Variants in ST6GAL1 observed in about 807,000 individuals in gnomAD.
ST6GAL1 encodes ST6 beta-galactoside alpha-2,6-sialyltransferase 1.
A neutral mutation model predicts 38.0 loss-of-function variants in ST6GAL1; 20 were observed. The observed-to-expected ratio is 0.53, with a 90% CI of 0.37 to 0.77. The LOEUF is 0.77. Ranked by LOEUF, ST6GAL1 falls within the 30% of genes least tolerant of loss-of-function variation. The pLI is 0.00. For synonymous variants in ST6GAL1, 196 were observed against 188.2 expected (o/e 1.04, Z -0.34); for missense variants, 432 against 496.4 (o/e 0.87, Z 1.23).
intron 2 of ST6GAL1, among the ~76,000 whole-genome samples, chr3:187,025,157 A>G (rs758064732): frequency 2.1e-4 from 32 of 152,222 alleles, no homozygotes; most frequent in Admixed American, 1.9e-3. Flanking sequence ...GTTGCATACA[A>G]TGGAGGTCTT....
Position 187,077,269 on chromosome 3 carries a change from T to C in ST6GAL1, c.*1466T>C, listed in dbSNP as rs1456589649. Reference sequence around the variant, plus strand: ...AGACATGCTCTCCAGATGGTTTTACTAAGTCCCCTCTCCCTGATAGGGAAT... The same window carrying C: ...AGACATGCTCTCCAGATGGTTTTACCAAGTCCCCTCTCCCTGATAGGGAAT... On this transcript the variant is annotated 3_prime_UTR_variant, in exon 8 of 8. Coordinates refer to ENST00000169298, the MANE Select transcript of ST6GAL1 (RefSeq NM_173216.2). 2.7e-5 allele frequency: 8 copies of C among 295,080 alleles called. No individual in the cohort carries two copies. The highest frequency in any genetic ancestry group is 4.9e-5 in the Non-Finnish European group (8 of 162,202). The allele number at this position is 295,080 out of a possible 1,614,324, so 18.3% of individuals were successfully genotyped here. A position where few individuals can be genotyped will look rare whatever the true frequency, so the allele number is the denominator to read the frequency against.
In ST6GAL1 at chr3:187,019,394, G is replaced by A. The variant is rs536714362; in HGVS notation, c.-182-19348G>A. 4.6e-5 allele frequency among the ~76,000 whole-genome samples: 7 copies of A among 152,186 alleles called. No homozygotes were observed. The South Asian group carries it at 8.3e-4, about 18-fold the overall frequency. ...TAGCTGCTAGAGCAAATAAACTCAC[G>A]TCTTAACCATCTTGGCCCAGAAGTG... On this transcript the variant is annotated intron_variant, in intron 2 of 7. Coordinates refer to ENST00000169298, the MANE Select transcript of ST6GAL1 (RefSeq NM_173216.2).
chr3:187,062,210 C>T (rs1345653078), intron 5 of ST6GAL1, among the ~76,000 whole-genome samples: 4 of 152,126 alleles, frequency 2.6e-5, no homozygotes, highest in African/African-American at 4.8e-5. Flanking sequence ...GATCAGAAAT[C>T]GGAATCCGTG....
chr3:187,038,576 T>C (rs1239174489), intron 2 of ST6GAL1, 166 bp from the exon 3 acceptor site: 5 of 152,390 alleles, frequency 3.3e-5, no homozygotes, highest in Non-Finnish European at 7.3e-5. Flanking sequence ...GCACCTTTAA[T>C]AGGCTTTTCT....
chr3:187,076,167 A>C lies in ST6GAL1; in HGVS notation c.*364A>C. ...AGAATGATGCCATTCTCACAAACCA[A>C]TGCTCTATATTGCTTGAAGTCTGCA... is the stretch of plus-strand genomic sequence containing the variant. On this transcript the variant is annotated 3_prime_UTR_variant, in exon 8 of 8. Coordinates refer to ENST00000169298, the MANE Select transcript of ST6GAL1 (RefSeq NM_173216.2). The C allele has an allele frequency of 3.4e-5, 8 of 232,782 alleles. No homozygotes were observed. Among genetic ancestry groups the C allele is most frequent in the East Asian group, 2.0e-4 (2 of 10,216 alleles). The allele number at this position is 232,782 out of a possible 1,614,324, so 14.4% of individuals were successfully genotyped here.
intron 1 of ST6GAL1, among the ~76,000 whole-genome samples, chr3:186,945,076 T>G (rs932793776): frequency 1.3e-5 from 2 of 152,100 alleles, no homozygotes; most frequent in Non-Finnish European, 2.9e-5. Flanking sequence ...CCTAGCACTT[T>G]GGGAGGCAGA....
At position 186,952,566 on chromosome 3, in the gene ST6GAL1, G is replaced by A. The variant is rs146319694; in HGVS notation, c.-324-11219G>A. On this transcript the variant is annotated intron_variant, in intron 1 of 7. Coordinates refer to ENST00000169298, the MANE Select transcript of ST6GAL1 (RefSeq NM_173216.2). The surrounding 1 kb of genome is among the most constrained non-coding windows in gnomAD (Gnocchi z 4.1). Reference sequence around the variant, plus strand: ...CTTACCCAGGCTGGAGTGCAGTGGCGCGATCTCAGCTCACTGCAACCTCCG... The same window carrying A: ...CTTACCCAGGCTGGAGTGCAGTGGCACGATCTCAGCTCACTGCAACCTCCG... 6.2e-3 allele frequency among the ~76,000 whole-genome samples: 943 copies of A among 151,826 alleles called. 14 individuals are homozygous for A. Among genetic ancestry groups the A allele is most frequent in the African/African-American group, 0.022 (896 of 41,380 alleles).
intron 4 of ST6GAL1, among the ~76,000 whole-genome samples, chr3:187,050,034 T>G (rs549766211): frequency 2.0e-5 from 3 of 152,202 alleles, no homozygotes; most frequent in Non-Finnish European, 4.4e-5. Context: ...TAGGGTTGTG[T>G]TGTTTTCATG....
chr3:187,051,191 C>A, intron 4 of ST6GAL1, 58 bp from the exon 5 acceptor site: 2 of 1,479,360 alleles, frequency 1.4e-6, no homozygotes, highest in Non-Finnish European at 9.4e-7. Context: ...TCGTCTTTCT[C>A]TTTTTCTGCA....
In ST6GAL1 at chr3:186,952,159, G is replaced by A. The variant is rs934257513; in HGVS notation, c.-324-11626G>A. ...ACGGCAGGAGGTGAAAAGGGAGGGG[G>A]TGTGCCAATTTTTATGCTCCTGGAG... On this transcript the variant is annotated intron_variant, in intron 1 of 7. Transcript: ENST00000169298. The surrounding 1 kb of genome is among the most constrained non-coding windows in gnomAD (Gnocchi z 4.1). Among the ~76,000 whole-genome samples, 1 of 152,168 alleles carries A rather than the reference G, an allele frequency of 6.6e-6. No individual in the cohort carries two copies. The highest frequency in any genetic ancestry group is 1.5e-5 in the Non-Finnish European group (1 of 68,026).
At chr3:186,935,343 CT>C (rs1193086861) in intron 1 of ST6GAL1, among the ~76,000 whole-genome samples, 1 of 151,650 alleles carries the variant, frequency 6.6e-6, no homozygotes. Flanking sequence ...TGATCTCATT[CT>C]TTTTTATGGC....
chr3:187,032,399 G>A (rs1717783762), intron 2 of ST6GAL1, among the ~76,000 whole-genome samples: 1 of 152,180 alleles, frequency 6.6e-6, no homozygotes, highest in South Asian at 2.1e-4. Context: ...TGCCCACAGT[G>A]TTTTCTACAG....
intron 2 of ST6GAL1, among the ~76,000 whole-genome samples, chr3:186,979,624 G>A (rs1450059784): frequency 1.3e-5 from 2 of 152,158 alleles, no homozygotes; most frequent in Non-Finnish European, 2.9e-5. Context: ...TAGCATCTGC[G>A]TAATAGCTGC....
chr3:187,011,462 T>C (rs1716954640), intron 2 of ST6GAL1, among the ~76,000 whole-genome samples: 1 of 152,198 alleles, frequency 6.6e-6, no homozygotes, highest in Non-Finnish European at 1.5e-5. Flanking sequence ...AGTGCAATCA[T>C]GAACTGTGAA....
chr3:187,005,595 T>G (rs1002738674), intron 2 of ST6GAL1, among the ~76,000 whole-genome samples: 3 of 152,322 alleles, frequency 2.0e-5, no homozygotes, highest in South Asian at 2.1e-4. Context: ...ATCTTTCTAA[T>G]GATCTATTTG....
At chr3:186,943,275 T>G (rs867679366) in intron 1 of ST6GAL1, among the ~76,000 whole-genome samples, 2 of 152,024 alleles carry the variant, frequency 1.3e-5, no homozygotes, top group African/African-American at 4.8e-5. Context: ...GAGCAAAGAT[T>G]TGAGGGTGAG....
chr3:187,028,626 A>G (rs1717628388), intron 2 of ST6GAL1, among the ~76,000 whole-genome samples: 3 of 152,076 alleles, frequency 2.0e-5, no homozygotes, highest in Admixed American at 2.0e-4. Context: ...TTAATACCAT[A>G]TAATAACCAA....
chr3:187,047,679 G>GTGATTTCTTAGAGGC, intron 4 of ST6GAL1, among the ~76,000 whole-genome samples: 1 of 152,044 alleles, frequency 6.6e-6, no homozygotes, highest in East Asian at 1.9e-4. Context: ...ATTTCTCTTG[G>GTGATTTCTTAGAGGC]TGATTTCTTA....
intron 5 of ST6GAL1, among the ~76,000 whole-genome samples, chr3:187,068,408 T>G (rs1322148311): frequency 6.6e-6 from 1 of 152,168 alleles, no homozygotes; most frequent in Non-Finnish European, 1.5e-5. Flanking sequence ...CAGACTCTCT[T>G]ACTTACTGAC....
Sources: gnomAD v4.1 joint callset for allele counts (sites outside exome capture counted in the v4.1 genomes callset) on GRCh38, gnomAD v4.1.1 for gene constraint, Gnocchi (gnomAD v3.1) non-coding constraint, MANE v1.5 for transcripts, NCBI Gene and HGNC (gene_info 2026-07-23, HGNC 2026-07-21) for gene names.